Variants in SAMMSON observed in about 807,000 individuals in gnomAD.
SAMMSON encodes the protein long intergenic non-protein coding RNA 1212.
At chr3:70,368,116 A>G (rs1009588815) in intron 9 of SAMMSON, among the ~76,000 whole-genome samples, 5 of 151,322 alleles carry the variant, frequency 3.3e-5, no homozygotes, top group African/African-American at 4.8e-5. Flanking sequence ...AATTTTAATA[A>G]TAGTAAGTTC....
At chr3:70,266,338 G>T (rs888565342) in intron 6 of SAMMSON, among the ~76,000 whole-genome samples, 3 of 151,790 alleles carry the variant, frequency 2.0e-5, no homozygotes, top group Non-Finnish European at 4.4e-5. Context: ...AACTGTAATC[G>T]TTATTAAATA....
At chr3:70,331,697 A>G (rs1168825266) in intron 7 of SAMMSON, among the ~76,000 whole-genome samples, 1 of 152,250 alleles carries the variant, frequency 6.6e-6, no homozygotes, top group Non-Finnish European at 1.5e-5. Context: ...AATAAAGCAC[A>G]GCTGTTTTTG....
intron 4 of SAMMSON, among the ~76,000 whole-genome samples, chr3:70,083,862 TTGTC>T (rs1253775142): frequency 2.6e-5 from 4 of 152,134 alleles, no homozygotes; most frequent in South Asian, 2.1e-4. Flanking sequence ...ATTCATTTTG[TTGTC>T]TGTCTTTCTA....
intron 4 of SAMMSON, among the ~76,000 whole-genome samples, chr3:70,104,162 C>T (rs1030530935): frequency 5.9e-5 from 9 of 151,814 alleles, no homozygotes; most frequent in African/African-American, 2.2e-4. Context: ...TCTTGGTTTC[C>T]TCTTCTGAAT....
chr3:70,339,083 TA>T (rs1702689939), intron 7 of SAMMSON, among the ~76,000 whole-genome samples: 1 of 152,048 alleles, frequency 6.6e-6, no homozygotes, highest in Non-Finnish European at 1.5e-5. Context: ...AACAGAGCCC[TA>T]AGAAATAACA....
chr3:70,032,397 A>T (rs1006624842), intron 3 of SAMMSON, among the ~76,000 whole-genome samples: 1 of 152,220 alleles, frequency 6.6e-6, no homozygotes, highest in Non-Finnish European at 1.5e-5. Context: ...TTTGATAAAA[A>T]TATAGTAAAG....
chr3:70,070,160 T>C (rs2067224528), intron 3 of SAMMSON: 1 of 152,076 alleles, frequency 6.6e-6, no homozygotes, highest in African/African-American at 2.4e-5. Flanking sequence ...GAAGTAATTG[T>C]AGGCTCATAA....
At chr3:70,317,570 T>C (rs1702503769) in intron 7 of SAMMSON, among the ~76,000 whole-genome samples, 1 of 151,648 alleles carries the variant, frequency 6.6e-6, no homozygotes, top group African/African-American at 2.4e-5. Context: ...AAACCTGCAA[T>C]ATCTTCAAAA....
At chr3:70,006,094 A>G (rs767421924) in intron 1 of SAMMSON, among the ~76,000 whole-genome samples, 1 of 152,230 alleles carries the variant, frequency 6.6e-6, no homozygotes, top group Non-Finnish European at 1.5e-5. Flanking sequence ...AAGCAAAAAC[A>G]TCAAACAAAT....
chr3:70,258,211 G>T, intron 6 of SAMMSON, among the ~76,000 whole-genome samples: 1 of 152,050 alleles, frequency 6.6e-6, no homozygotes, highest in East Asian at 1.9e-4. Flanking sequence ...GAAAATATTT[G>T]CAACTTTGAG....
intron 8 of SAMMSON, among the ~76,000 whole-genome samples, chr3:70,357,547 G>A (rs1206617853): frequency 6.6e-6 from 1 of 151,950 alleles, no homozygotes; most frequent in African/African-American, 2.4e-5. Flanking sequence ...GAGAGCACAT[G>A]GACACAGAGT....
At chr3:70,036,815 TA>T (rs1182281770) in intron 3 of SAMMSON, among the ~76,000 whole-genome samples, 1 of 151,958 alleles carries the variant, frequency 6.6e-6, no homozygotes, top group African/African-American at 2.4e-5. Flanking sequence ...TGCTCTATAT[TA>T]AAAAAATTGC....
At chr3:70,375,144 A>AT (rs1703002970) in intron 9 of SAMMSON, among the ~76,000 whole-genome samples, 1 of 152,058 alleles carries the variant, frequency 6.6e-6, no homozygotes, top group Non-Finnish European at 1.5e-5. Flanking sequence ...AGGCCCCTCA[A>AT]TTTTTTGTTT....
chr3:70,419,356 A>G (rs1382129696), intron 2 of SAMMSON, among the ~76,000 whole-genome samples: 6 of 151,998 alleles, frequency 3.9e-5, no homozygotes, highest in Non-Finnish European at 7.4e-5. Context: ...TCTTTGGACT[A>G]TTTAATTTCT....
At chr3:70,123,293 G>C (rs951531819) in intron 4 of SAMMSON, among the ~76,000 whole-genome samples, 6 of 152,158 alleles carry the variant, frequency 3.9e-5, no homozygotes, top group Non-Finnish European at 7.4e-5. Flanking sequence ...TTGAGATGAA[G>C]TCTCGCTCTG....
chr3:70,063,297 C>T (rs747715092), intron 3 of SAMMSON, among the ~76,000 whole-genome samples: 1 of 152,112 alleles, frequency 6.6e-6, no homozygotes, highest in Non-Finnish European at 1.5e-5. Context: ...TATCTTTAGA[C>T]CCACCTGCAA....
intron 6 of SAMMSON, among the ~76,000 whole-genome samples, chr3:70,268,805 T>C (rs1701947884): frequency 6.6e-6 from 1 of 152,186 alleles, no homozygotes; most frequent in Middle Eastern, 3.2e-3. Flanking sequence ...TATTTTTCCT[T>C]CATCTACAAA....
At chr3:70,421,286 C>A (rs1242527694) in intron 2 of SAMMSON, among the ~76,000 whole-genome samples, 1 of 152,128 alleles carries the variant, frequency 6.6e-6, no homozygotes, top group Non-Finnish European at 1.5e-5. Context: ...AAATTGTATT[C>A]ATCTGACAAA....
intron 2 of SAMMSON, among the ~76,000 whole-genome samples, chr3:70,431,851 G>T (rs4974267): frequency 0.23 from 34,380 of 151,768 alleles, 3,954 homozygotes; most frequent in Middle Eastern, 0.3. Flanking sequence ...TATTTTTCAG[G>T]TTCTGATTTC....
Sources: gnomAD v4.1 joint callset for allele counts (sites outside exome capture counted in the v4.1 genomes callset) on GRCh38, gnomAD v4.1.1 for gene constraint, MANE v1.5 for transcripts, NCBI Gene and HGNC (gene_info 2026-07-23, HGNC 2026-07-21) for gene names.